The following ARHGAP25 variants were observed in gnomAD, a reference collection of about 807,000 sequenced individuals.
ARHGAP25 encodes the protein rho GTPase-activating protein 25.
In ARHGAP25, 34 loss-of-function variants were observed where a neutral mutation model predicts 71.0. The observed-to-expected ratio is 0.48, with a 90% CI of 0.36 to 0.64. The LOEUF (loss-of-function observed/expected upper bound fraction) is 0.64. Among genes scored for constraint, ARHGAP25 ranks in the 30% least tolerant of loss-of-function variants. The pLI, the probability that ARHGAP25 is intolerant of heterozygous loss-of-function variation, is 0.00. For missense variants in ARHGAP25, 706 were observed against 805.1 expected (o/e 0.88, Z 1.49); for synonymous variants, 282 against 296.5 (o/e 0.95, Z 0.50).
At chr2:68,794,624 G>A (rs1180956641) in intron 4 of ARHGAP25, among the ~76,000 whole-genome samples, 1 of 152,100 alleles carries the variant, frequency 6.6e-6, no homozygotes, top group African/African-American at 2.4e-5. Context: ...AAACTTATTT[G>A]ATCATGGTGT....
chr2:68,788,449 G>C (rs962930432), intron 4 of ARHGAP25, among the ~76,000 whole-genome samples: 1 of 152,210 alleles, frequency 6.6e-6, no homozygotes, highest in Admixed American at 6.5e-5. Context: ...CCAAAAGAGG[G>C]ATGATCAGAC....
At chr2:68,758,685 A>C (rs1225515311) in intron 1 of ARHGAP25, among the ~76,000 whole-genome samples, 1 of 151,978 alleles carries the variant, frequency 6.6e-6, no homozygotes, top group Non-Finnish European at 1.5e-5. Flanking sequence ...CTCCACTCCA[A>C]TAATGAATAG....
intron 1 of ARHGAP25, among the ~76,000 whole-genome samples, chr2:68,750,822 A>G (rs60957387): frequency 0.027 from 4,066 of 152,288 alleles, 198 homozygotes; most frequent in African/African-American, 0.093. Flanking sequence ...GATCCTGCTC[A>G]CACAGGGAAT....
chr2:68,717,917 C>G (rs1000755517), intron 2 of ARHGAP25, among the ~76,000 whole-genome samples: 16 of 151,878 alleles, frequency 1.1e-4, no homozygotes, highest in African/African-American at 3.9e-4. Context: ...TTTTCTTTTG[C>G]ACTCATATTT....
chr2:68,729,281 C>T (rs906830223), intron 2 of ARHGAP25, among the ~76,000 whole-genome samples: 4 of 152,058 alleles, frequency 2.6e-5, no homozygotes, highest in East Asian at 3.9e-4. Context: ...TCATAAAAAA[C>T]AAGCAGTCAG....
chr2:68,723,076 G>A (rs1244964778), intron 2 of ARHGAP25, among the ~76,000 whole-genome samples: 1 of 152,154 alleles, frequency 6.6e-6, no homozygotes, highest in African/African-American at 2.4e-5. Context: ...TCATTTAGAT[G>A]CACCGGTAAT....
At position 68,775,281 on chromosome 2, in the gene ARHGAP25, C is replaced by A; in HGVS notation, c.122C>A (p.Pro41His). ...QMAAFHPSST[P>H]NPLERPIKMG... ...GCTGCCTTCCATCCATCGTCCACCC[C>A]CAACCCGCTGGAGAGGCCCATCAAG... Residue 41 changes from proline (P) to histidine (H), a missense_variant, in exon 2 of 11, where the codon CCC (proline) becomes CAC (histidine). By Grantham distance (77) the Pro-to-His change is moderately conservative. Transcript: ENST00000409202. 1 of 1,614,248 alleles carries A rather than the reference C, an allele frequency of 6.2e-7. No individual in the cohort carries two copies. Among genetic ancestry groups the A allele is most frequent in the Non-Finnish European group, 8.5e-7 (1 of 1,180,050 alleles).
chr2:68,755,037 C>G (rs1676397290), intron 1 of ARHGAP25, among the ~76,000 whole-genome samples: 1 of 152,108 alleles, frequency 6.6e-6, no homozygotes, highest in African/African-American at 2.4e-5. Context: ...TTGATGAAGT[C>G]AAATATCATG....
At chr2:68,812,680 A>G (rs1680916677) in intron 5 of ARHGAP25, among the ~76,000 whole-genome samples, 5 of 152,214 alleles carry the variant, frequency 3.3e-5, no homozygotes, top group Non-Finnish European at 7.3e-5. Flanking sequence ...TTGAGTCCCC[A>G]GAGTTCTGTG....
intron 2 of ARHGAP25, among the ~76,000 whole-genome samples, chr2:68,776,029 A>G (rs1677880447): frequency 6.6e-6 from 1 of 152,250 alleles, no homozygotes; most frequent in South Asian, 2.1e-4. Flanking sequence ...AAATGACCTC[A>G]TGAAGAGGGT....
chr2:68,722,681 C>T (rs901812210), intron 2 of ARHGAP25, among the ~76,000 whole-genome samples: 8 of 151,958 alleles, frequency 5.3e-5, no homozygotes, highest in African/African-American at 1.9e-4. Context: ...CCCAGGGTCA[C>T]CCAGGCAGTG....
At chr2:68,742,528 G>A (rs1675576966) in intron 1 of ARHGAP25, among the ~76,000 whole-genome samples, 1 of 152,220 alleles carries the variant, frequency 6.6e-6, no homozygotes, top group African/African-American at 2.4e-5. Context: ...AACTCATGCA[G>A]TTATTGTGAG....
chr2:68,768,940 A>G (rs1313077371), intron 1 of ARHGAP25, among the ~76,000 whole-genome samples: 1 of 152,114 alleles, frequency 6.6e-6, no homozygotes, highest in Non-Finnish European at 1.5e-5. Context: ...TCAGGACCCA[A>G]AATTGTTCTG....
upstream of ARHGAP25, among the ~76,000 whole-genome samples, chr2:68,730,432 C>G (rs902311911): frequency 6.6e-6 from 1 of 152,032 alleles, no homozygotes; most frequent in Non-Finnish European, 1.5e-5. Flanking sequence ...TCACTTGAAC[C>G]CAGGAGCTTG....
At chr2:68,770,818 C>T (rs1229605143) in intron 1 of ARHGAP25, among the ~76,000 whole-genome samples, 1 of 152,216 alleles carries the variant, frequency 6.6e-6, no homozygotes, top group African/African-American at 2.4e-5. Flanking sequence ...ATGCCTCACT[C>T]TGTCATCTAA....
chr2:68,791,320 T>A (rs548978430), intron 4 of ARHGAP25, among the ~76,000 whole-genome samples: 1 of 152,344 alleles, frequency 6.6e-6, no homozygotes, highest in South Asian at 2.1e-4. Context: ...TATCCTAGAA[T>A]CTAAACAGTG....
At chr2:68,721,527 G>C (rs948850003) in intron 2 of ARHGAP25, among the ~76,000 whole-genome samples, 1 of 152,224 alleles carries the variant, frequency 6.6e-6, no homozygotes, top group African/African-American at 2.4e-5. Context: ...CCAGTGTGTG[G>C]ACTCAGTTTA....
At chr2:68,766,034 A>G (rs1409439448) in intron 1 of ARHGAP25, among the ~76,000 whole-genome samples, 1 of 152,196 alleles carries the variant, frequency 6.6e-6, no homozygotes. Context: ...TAATTCATCC[A>G]TGCTTATGCA....
chr2:68,777,458 C>T (rs1010221250), intron 2 of ARHGAP25, among the ~76,000 whole-genome samples: 1 of 152,156 alleles, frequency 6.6e-6, no homozygotes, highest in Non-Finnish European at 1.5e-5. Flanking sequence ...TTTGTTAAAA[C>T]ATAAACTAAT....
Sources: gnomAD v4.1 joint callset for allele counts (sites outside exome capture counted in the v4.1 genomes callset) on GRCh38, gnomAD v4.1.1 for gene constraint, MANE v1.5 for transcripts, NCBI Gene and HGNC (gene_info 2026-07-23, HGNC 2026-07-21) for gene names.